Variants in PATJ observed in about 807,000 individuals in gnomAD.
The protein encoded by PATJ is PATJ crumbs cell polarity complex component, also known as inaD-like protein.
PATJ carries 190 observed loss-of-function variants against 224.9 expected under a neutral mutation model. The observed-to-expected ratio is 0.84, with a 90% CI of 0.75 to 0.95. PATJ has a LOEUF of 0.95. PATJ is among the 40% of genes least tolerant of loss of function. The pLI is 0.00. For synonymous variants in PATJ, 769 were observed against 820.3 expected, an observed-to-expected ratio of 0.94 and a Z score of 1.07; for missense variants, 2,121 against 2,270.3, an observed-to-expected ratio of 0.93 and a Z score of 1.34.
At position 62,085,823 on chromosome 1, in the gene PATJ, TA is replaced by T. The variant is rs781768840; in HGVS notation, c.4377+1194del. Among the ~76,000 whole-genome samples, 450 of 118,588 alleles carry T rather than the reference TA, an allele frequency of 3.8e-3. 1 individual carries two copies. Among genetic ancestry groups the T allele is most frequent in the Admixed American group, 7.5e-3 (84 of 11,270 alleles). The allele number at this position is 118,588 out of a possible 152,430, so 77.8% of individuals were successfully genotyped here. A position where few individuals can be genotyped will look rare whatever the true frequency, so the allele number is the denominator to read the frequency against. ...AACAGAGCAAGGCCCTGTCTCTGTT[TA>T]AAAAAAAAAAAAAAAAAAGGTATGC... On this transcript the variant is annotated intron_variant, in intron 33 of 43. Coordinates refer to ENST00000642238, the MANE Select transcript of PATJ (RefSeq NM_001350145.3).
Position 62,114,235 on chromosome 1 carries a change from C to A in PATJ, c.4644C>A (p.Ile1548=), listed in dbSNP as rs7418709. The change falls in exon 35 of 44, where the codon ATC becomes ATA. Residue 1548 remains isoleucine, a synonymous_variant. Coordinates refer to ENST00000642238, the MANE Select transcript of PATJ (RefSeq NM_001350145.3). ...KKAGRGLGLS[I]VGKRNGSGVF... is the part of the protein sequence containing the mutation. ...CTGGCCGGGGCCTGGGCCTGAGCAT[C>A]GTTGGGAAACGGTAAAGACGTGCTG... 3 of 1,613,760 alleles carry A rather than the reference C, an allele frequency of 1.9e-6. No individual in the cohort carries two copies. The African/African-American group carries it at 4.0e-5, about 22-fold the overall frequency.
intron 31 of PATJ, among the ~76,000 whole-genome samples, chr1:62,065,280 A>G (rs1173528644): frequency 6.6e-6 from 1 of 152,206 alleles, no homozygotes; most frequent in Non-Finnish European, 1.5e-5. Context: ...ATGAACTCAA[A>G]GACAGCAGAA....
chr1:61,823,702 G>A (rs1657698293), intron 15 of PATJ, among the ~76,000 whole-genome samples: 1 of 152,162 alleles, frequency 6.6e-6, no homozygotes, highest in African/African-American at 2.4e-5. Context: ...AGTAGCTTTA[G>A]CCAAGATCAG....
chr1:61,988,949 ATCTACGAATTTG>A lies in PATJ; in HGVS notation c.3671-1217_3671-1206del, dbSNP rs1300991912. Among the ~76,000 whole-genome samples, 27 of 152,302 alleles carry A rather than the reference ATCTACGAATTTG, an allele frequency of 1.8e-4. No homozygotes were observed. In the East Asian group the frequency reaches 4.4e-3, roughly 25 times the overall value. On this transcript the variant is annotated intron_variant, in intron 27 of 43. Transcript: ENST00000642238. Reference sequence around the variant, plus strand: ...CATTTAGGGTTCCAAGAGGGTCACAATCTACGAATTTGTTATTTAAAAGCTGATGAGATGATT... The same window carrying A: ...CATTTAGGGTTCCAAGAGGGTCACAATTATTTAAAAGCTGATGAGATGATT...
intron 33 of PATJ, among the ~76,000 whole-genome samples, chr1:62,105,428 A>G (rs1662781950): frequency 6.6e-6 from 1 of 152,196 alleles, no homozygotes; most frequent in South Asian, 2.1e-4. Context: ...GAAAACCAGT[A>G]TCATTACAGG....
At chr1:61,753,629 C>T (rs1165807778) in intron 1 of PATJ, among the ~76,000 whole-genome samples, 3 of 151,944 alleles carry the variant, frequency 2.0e-5, no homozygotes, top group African/African-American at 7.2e-5. Context: ...CCTGCCTCAG[C>T]CTCCCGAGTA....
chr1:61,958,451 C>G (rs34158435), intron 27 of PATJ, among the ~76,000 whole-genome samples: 23,841 of 152,026 alleles, frequency 0.16, 2,352 homozygotes, highest in Non-Finnish European at 0.22. Context: ...TTATATTATT[C>G]CCTATATTCT....
chr1:61,746,032 G>A (rs1189030022), intron 1 of PATJ, among the ~76,000 whole-genome samples: 1 of 152,024 alleles, frequency 6.6e-6, no homozygotes, highest in East Asian at 1.9e-4. Flanking sequence ...TCACCTCCCT[G>A]GGTTCAAGCG....
At chr1:61,964,926 A>G (rs1295372501) in intron 27 of PATJ, among the ~76,000 whole-genome samples, 2 of 151,942 alleles carry the variant, frequency 1.3e-5, no homozygotes, top group African/African-American at 4.8e-5. Context: ...AGACTAGCCA[A>G]CATGGTGAAA....
At chr1:62,020,466 A>C (rs554602065) in intron 29 of PATJ, among the ~76,000 whole-genome samples, 1 of 152,356 alleles carries the variant, frequency 6.6e-6, no homozygotes, top group South Asian at 2.1e-4. Flanking sequence ...GCAATTGTGT[A>C]GTTGGGAAAT....
chr1:62,117,857 T>A (rs1354307666), intron 37 of PATJ, among the ~76,000 whole-genome samples: 6 of 152,198 alleles, frequency 3.9e-5, no homozygotes, highest in African/African-American at 7.2e-5. Flanking sequence ...TGGTACATAA[T>A]GAGACTATAG....
intron 17 of PATJ, among the ~76,000 whole-genome samples, chr1:61,836,567 G>A (rs1474253215): frequency 3.3e-5 from 5 of 152,184 alleles, no homozygotes; most frequent in Admixed American, 3.3e-4. Flanking sequence ...ACTTACAGAT[G>A]TGTACAGCAC....
At chr1:62,008,537 G>A (rs1240132632) in intron 28 of PATJ, among the ~76,000 whole-genome samples, 1 of 152,230 alleles carries the variant, frequency 6.6e-6, no homozygotes, top group African/African-American at 2.4e-5. Flanking sequence ...CAAGTGGATC[G>A]CTTGAGTCCA....
At chr1:62,153,825 G>A (rs1032787729) in intron 43 of PATJ, among the ~76,000 whole-genome samples, 1 of 152,128 alleles carries the variant, frequency 6.6e-6, no homozygotes, top group African/African-American at 2.4e-5. Context: ...AAAAAGATTT[G>A]GCTTTCTTCT....
intron 42 of PATJ, among the ~76,000 whole-genome samples, chr1:62,149,539 C>T (rs970012045): frequency 2.6e-5 from 4 of 151,598 alleles, no homozygotes; most frequent in Non-Finnish European, 5.9e-5. Flanking sequence ...AAAGTTAATA[C>T]ATGCATGCCA....
At chr1:61,821,470 T>C (rs1657252629) in intron 14 of PATJ, among the ~76,000 whole-genome samples, 1 of 152,140 alleles carries the variant, frequency 6.6e-6, no homozygotes, top group African/African-American at 2.4e-5. Context: ...GGGCTAGAAG[T>C]CCCTCATGTG....
intron 27 of PATJ, among the ~76,000 whole-genome samples, chr1:61,976,691 C>A (rs1480732212): frequency 6.6e-6 from 1 of 151,784 alleles, no homozygotes. Context: ...TACAGGCATG[C>A]GCCAGTGTGC....
intron 41 of PATJ, among the ~76,000 whole-genome samples, chr1:62,131,557 A>G (rs1666265131): frequency 1.3e-5 from 2 of 152,120 alleles, no homozygotes; most frequent in African/African-American, 4.8e-5. Context: ...CTAAGGCAGG[A>G]GAATTGCTTG....
At chr1:62,063,441 T>A (rs986354533) in intron 31 of PATJ, among the ~76,000 whole-genome samples, 1 of 151,960 alleles carries the variant, frequency 6.6e-6, no homozygotes, top group Non-Finnish European at 1.5e-5. Context: ...GATAATGAGA[T>A]GCCTCTGGCT....
Sources: allele counts gnomAD v4.1 joint callset (sites outside exome capture counted in the v4.1 genomes callset), GRCh38; gene constraint gnomAD v4.1.1; transcripts MANE v1.5; gene names NCBI Gene and HGNC (gene_info 2026-07-23, HGNC 2026-07-21).